Variants in KCMF1 observed in about 807,000 individuals in gnomAD.
KCMF1 encodes E3 ubiquitin-protein ligase KCMF1.
KCMF1 carries 3 observed loss-of-function variants against 41.1 expected under a neutral mutation model. That is an observed-to-expected ratio of 0.07 (90% CI 0.03 to 0.19). The LOEUF (loss-of-function observed/expected upper bound fraction) is 0.19, where lower values mean the gene tolerates loss of function less well. KCMF1 is among the 10% of genes least tolerant of loss of function. The pLI, the probability that KCMF1 is intolerant of heterozygous loss-of-function variation, is 1.00. For synonymous variants in KCMF1, 142 were observed against 164.5 expected, an observed-to-expected ratio of 0.86 and a Z score of 1.04; for missense variants, 286 against 488.9, an observed-to-expected ratio of 0.58 and a Z score of 3.91.
chr2:84,980,079 C>A (rs1314566057), intron 1 of KCMF1, among the ~76,000 whole-genome samples: 1 of 151,904 alleles, frequency 6.6e-6, no homozygotes, highest in African/African-American at 2.4e-5. Context: ...GTGATCTGCC[C>A]ACCTCAGCCT....
At chr2:85,008,243 ATATGATATATAT>A (rs1487361630) in intron 1 of KCMF1, among the ~76,000 whole-genome samples, 1 of 111,270 alleles carries the variant, frequency 9.0e-6, no homozygotes, top group African/African-American at 3.3e-5. Context: ...ATTATATTAT[ATATGATATATAT>A]TATATATCAT....
intron 2 of KCMF1, among the ~76,000 whole-genome samples, chr2:85,031,013 A>T (rs991201328): frequency 1.3e-5 from 2 of 152,242 alleles, no homozygotes; most frequent in Admixed American, 1.3e-4. Flanking sequence ...GTCTGTCTTT[A>T]TGCCAGTACT....
In KCMF1 at chr2:85,059,145, A is replaced by C. The variant is rs1208680379; in HGVS notation, c.*5736A>C. On this transcript the variant is annotated 3_prime_UTR_variant, in exon 7 of 7. Transcript: ENST00000409785. Reference sequence around the variant, plus strand: ...ATTCTGGCCAGCCTTGAATCCATTTAATTTTGCCCACGAGAACCTTTCATG... The same window carrying C: ...ATTCTGGCCAGCCTTGAATCCATTTCATTTTGCCCACGAGAACCTTTCATG... 6.6e-6 allele frequency: 1 copy of C among 152,134 alleles called. No individual in the cohort carries two copies. The highest frequency in any genetic ancestry group is 1.5e-5 in the Non-Finnish European group (1 of 68,022). 9.4% of individuals were successfully genotyped at this position (152,134 alleles called of 1,614,324 possible).
At chr2:84,980,971 A>G (rs557645856) in intron 1 of KCMF1, among the ~76,000 whole-genome samples, 126 of 152,028 alleles carry the variant, frequency 8.3e-4, no homozygotes, top group African/African-American at 3.0e-3. Context: ...CCACAGTGCC[A>G]GCCAGCAGTC....
chr2:85,017,847 T>C (rs1394896129), intron 1 of KCMF1, among the ~76,000 whole-genome samples: 1 of 152,178 alleles, frequency 6.6e-6, no homozygotes, highest in Non-Finnish European at 1.5e-5. Context: ...ACCTCTTTTA[T>C]TTTTATTTTT....
intron 1 of KCMF1, among the ~76,000 whole-genome samples, chr2:85,008,263 C>CATATATAATATATAATATG (rs1558573265): frequency 2.9e-5 from 2 of 68,830 alleles, no homozygotes; most frequent in South Asian, 4.0e-4. Context: ...TATTATATAT[C>CATATATAATATATAATATG]ATATATAATA....
rs1675979136 is a variant in KCMF1 at position 85,058,195 on chromosome 2, C to T, written c.*4786C>T. The stretch of plus-strand genomic sequence containing the variant: ...GAGGTTAGTTCAGGACCAGCCTGGC[C>T]AAGATGGTGAAACCCCATCTCTACT... On this transcript the variant is annotated 3_prime_UTR_variant, in exon 7 of 7. Coordinates refer to ENST00000409785, the MANE Select transcript of KCMF1 (RefSeq NM_020122.5). 6.6e-6 allele frequency: 1 copy of T among 152,154 alleles called. No homozygotes were observed. The highest frequency in any genetic ancestry group is 1.5e-5 in the Non-Finnish European group (1 of 68,070). 9.4% of individuals were successfully genotyped at this position (152,154 alleles called of 1,614,324 possible).
intron 1 of KCMF1, among the ~76,000 whole-genome samples, chr2:85,010,515 A>AG (rs1271675641): frequency 6.6e-6 from 1 of 152,244 alleles, no homozygotes; most frequent in African/African-American, 2.4e-5. Context: ...ATTATGGCTC[A>AG]GTCTCTCAAA....
chr2:85,013,044 T>C (rs1423483015), intron 1 of KCMF1, among the ~76,000 whole-genome samples: 1 of 152,050 alleles, frequency 6.6e-6, no homozygotes, highest in Non-Finnish European at 1.5e-5. Flanking sequence ...GTATGAAGAG[T>C]TGTGTCAGGG....
At chr2:84,985,722 G>A (rs1215954842) in intron 1 of KCMF1, among the ~76,000 whole-genome samples, 1 of 152,056 alleles carries the variant, frequency 6.6e-6, no homozygotes, top group Admixed American at 6.6e-5. Context: ...CCAGCTACTG[G>A]GGAGACTGAG....
chr2:84,978,616 G>A (rs1026355026), intron 1 of KCMF1, among the ~76,000 whole-genome samples: 2 of 150,114 alleles, frequency 1.3e-5, no homozygotes, highest in African/African-American at 2.5e-5. Flanking sequence ...GCATGATCTC[G>A]GCTCACTGTG....
At chr2:84,998,895 A>C (rs1036032197) in intron 1 of KCMF1, among the ~76,000 whole-genome samples, 2 of 151,204 alleles carry the variant, frequency 1.3e-5, no homozygotes, top group Non-Finnish European at 2.9e-5. Context: ...TACAGCTATG[A>C]CCCACTGTGC....
intron 1 of KCMF1, among the ~76,000 whole-genome samples, chr2:85,004,141 T>G (rs570267525): frequency 3.9e-5 from 6 of 152,322 alleles, no homozygotes; most frequent in African/African-American, 1.4e-4. Flanking sequence ...TTAAAACTTA[T>G]GAATTGTTTG....
At chr2:85,016,057 C>T (rs1230464887) in intron 1 of KCMF1, among the ~76,000 whole-genome samples, 1 of 152,194 alleles carries the variant, frequency 6.6e-6, no homozygotes, top group East Asian at 1.9e-4. Context: ...GATTTCCAGT[C>T]AGAAAGGGTT....
At chr2:85,010,976 T>G (rs984602435) in intron 1 of KCMF1, among the ~76,000 whole-genome samples, 1 of 151,988 alleles carries the variant, frequency 6.6e-6, no homozygotes, top group Non-Finnish European at 1.5e-5. Flanking sequence ...CCCGAGTAGC[T>G]GGGACTATAG....
chr2:85,035,037 C>T lies in KCMF1; in HGVS notation c.206C>T (p.Ala69Val), dbSNP rs780089273. The change falls in exon 3 of 7, where the codon GCT becomes GTT. Residue 69 changes from alanine to valine, a missense_variant. Physicochemically the swap from Ala to Val is moderately conservative, Grantham distance 64 (BLOSUM62 0). Transcript: ENST00000409785. ...TCAGATTTATACTATGGTGGGGAAG[C>T]TTTCTCTGTAGAGCAGCCACAGTCT... The part of the protein sequence containing the change: ...VDFDLYYGGE[A>V]FSVEQPQSFT... 1.2e-6 allele frequency: 2 copies of T among 1,612,468 alleles called. No individual in the cohort carries two copies. The highest frequency in any genetic ancestry group is 3.3e-5 in the Admixed American group (2 of 59,924).
intron 1 of KCMF1, among the ~76,000 whole-genome samples, chr2:85,027,656 G>A (rs115392141): frequency 0.011 from 1,623 of 152,096 alleles, 30 homozygotes; most frequent in African/African-American, 0.037. Flanking sequence ...GATTACAGGC[G>A]TGAGCCACTG....
At chr2:85,046,380 A>G in intron 5 of KCMF1, 102 bp downstream of exon 5, 2 of 857,582 alleles carry the variant, frequency 2.3e-6, no homozygotes, top group South Asian at 3.6e-5. Context: ...CTTTAATCCC[A>G]GCACTCTGGG....
chr2:85,028,799 G>A (rs772765280), intron 2 of KCMF1, among the ~76,000 whole-genome samples: 8 of 151,782 alleles, frequency 5.3e-5, no homozygotes, highest in Non-Finnish European at 8.8e-5. Context: ...TACTTTTTAC[G>A]TACTAAGTAA....
Sources: allele counts gnomAD v4.1 joint callset (sites outside exome capture counted in the v4.1 genomes callset), GRCh38; gene constraint gnomAD v4.1.1; transcripts MANE v1.5; gene names NCBI Gene and HGNC (gene_info 2026-07-23, HGNC 2026-07-21).